The following ERG variants were observed in gnomAD, a reference collection of about 807,000 sequenced individuals.
ERG encodes the protein transcriptional regulator ERG.
Under a neutral mutation model 55.3 loss-of-function variants are expected in ERG, and 9 were observed. That is an observed-to-expected ratio of 0.16 (90% CI 0.10 to 0.28). The LOEUF (loss-of-function observed/expected upper bound fraction) is 0.28, where lower values mean the gene tolerates loss of function less well. Ranked by LOEUF, ERG falls within the 10% of genes least tolerant of loss-of-function variation. The pLI is 1.00. For missense variants in ERG, 434 were observed against 631.6 expected (o/e 0.69, Z 3.35); for synonymous variants, 223 against 237.3 (o/e 0.94, Z 0.55).
At chr21:38,562,940 A>T (rs1396560027) in intron 2 of ERG, among the ~76,000 whole-genome samples, 1 of 152,262 alleles carries the variant, frequency 6.6e-6, no homozygotes, top group East Asian at 1.9e-4. Flanking sequence ...TTTATGGTTT[A>T]AAAAGTTAAG....
At chr21:38,440,255 G>A (rs945292916) in intron 2 of ERG, among the ~76,000 whole-genome samples, 10 of 152,240 alleles carry the variant, frequency 6.6e-5, no homozygotes, top group South Asian at 2.1e-4. Context: ...TGGGGCTTCC[G>A]AGTCTGGAAG....
chr21:38,614,387 G>A (rs1168042827), intron 1 of ERG, among the ~76,000 whole-genome samples: 1 of 152,190 alleles, frequency 6.6e-6, no homozygotes, highest in South Asian at 2.1e-4. Context: ...GTGGCCATGA[G>A]AGGGAGTTGT....
intron 1 of ERG, among the ~76,000 whole-genome samples, chr21:38,589,927 T>C (rs1286812024): frequency 6.6e-6 from 1 of 152,210 alleles, no homozygotes; most frequent in Non-Finnish European, 1.5e-5. Context: ...TACACTCTAG[T>C]AGCCATGTTC....
intron 1 of ERG, among the ~76,000 whole-genome samples, chr21:38,618,240 GT>G (rs2060270173): frequency 6.6e-6 from 1 of 152,216 alleles, no homozygotes; most frequent in Non-Finnish European, 1.5e-5. Context: ...GCACTGAGTG[GT>G]GAAAACAGCC....
At chr21:38,486,999 G>A (rs1176356075) in intron 1 of ERG, among the ~76,000 whole-genome samples, 1 of 152,222 alleles carries the variant, frequency 6.6e-6, no homozygotes, top group Non-Finnish European at 1.5e-5. Flanking sequence ...GCACAGGGAA[G>A]TGAAAGGCGT....
chr21:38,456,632 G>A (rs1332667775), intron 1 of ERG, among the ~76,000 whole-genome samples: 3 of 152,070 alleles, frequency 2.0e-5, no homozygotes, highest in African/African-American at 7.2e-5. Flanking sequence ...ACTGTATAAC[G>A]CAGACATGAA....
chr21:38,384,260 G>A (rs1009873347), intron 9 of ERG, among the ~76,000 whole-genome samples: 1 of 152,240 alleles, frequency 6.6e-6, no homozygotes, highest in Non-Finnish European at 1.5e-5. Flanking sequence ...GCTCCCGTGG[G>A]ATTGGGCTGA....
rs543734358 is a variant in ERG, at chr21:38,446,599, C to T, written c.19-978G>A. ...ACAAAAAGAATTCCACATGAATGCT[C>T]ATTTTTATATTAGTCCTTTGGCATC... On this transcript the variant is annotated intron_variant, in intron 1 of 9. Transcript: ENST00000288319. Among the ~76,000 whole-genome samples the T allele has an allele frequency of 3.9e-5, 6 of 152,224 alleles. No homozygotes were observed. The South Asian group carries it at 1.2e-3, about 32-fold the overall frequency.
intron 1 of ERG, among the ~76,000 whole-genome samples, chr21:38,607,525 C>T (rs930018590): frequency 2.0e-5 from 3 of 151,854 alleles, no homozygotes; most frequent in Non-Finnish European, 2.9e-5. Flanking sequence ...CCAGCTACTC[C>T]TGAGAGGCTG....
rs1048354004 is a variant in ERG, at chr21:38,407,095, G to A, written c.389-3386C>T. On this transcript the variant is annotated intron_variant, in intron 3 of 9. Transcript: ENST00000288319. ...ATACAACACAACAATACAATCAAAC[G>A]TCTTTAAATATGTGCAGATTCCCTG... is the stretch of plus-strand genomic sequence containing the variant. 4.6e-5 allele frequency among the ~76,000 whole-genome samples: 7 copies of A among 152,206 alleles called. No homozygotes were observed. The East Asian group carries it at 9.6e-4, about 21-fold the overall frequency.
At chr21:38,492,980 T>G (rs1336871855) in intron 1 of ERG, among the ~76,000 whole-genome samples, 2 of 152,186 alleles carry the variant, frequency 1.3e-5, no homozygotes, top group Non-Finnish European at 2.9e-5. Context: ...AGTAAAATAT[T>G]CAGAGTTGTT....
intron 1 of ERG, chr21:38,584,797 G>T (rs577531933): frequency 6.6e-6 from 1 of 151,966 alleles, no homozygotes; most frequent in Non-Finnish European, 1.5e-5. Flanking sequence ...TTTTAAAAGG[G>T]GTCCTGACTA....
chr21:38,376,456 C>A (rs1342629902), downstream of ERG, among the ~76,000 whole-genome samples: 1 of 152,182 alleles, frequency 6.6e-6, no homozygotes, highest in Non-Finnish European at 1.5e-5. Flanking sequence ...CAATGGGAGT[C>A]GCTTCCTGTC....
rs544037525 is a variant in ERG at position 38,480,591 on chromosome 21, C to CTTTTTTTTTTTTT, written c.18+17759_18+17771dup. Among the ~76,000 whole-genome samples, 93 of 51,128 alleles carry CTTTTTTTTTTTTT rather than the reference C, an allele frequency of 1.8e-3. 14 individuals are homozygous for CTTTTTTTTTTTTT. The highest frequency in any genetic ancestry group is 2.4e-3 in the Admixed American group (8 of 3,316). 33.5% of individuals were successfully genotyped at this position (51,128 alleles called of 152,430 possible). On this transcript the variant is annotated intron_variant, in intron 1 of 9. Coordinates refer to ENST00000288319, the MANE Select transcript of ERG (RefSeq NM_182918.4). Reference sequence around the variant, plus strand: ...TTGCCACTTTAGGGCACTATATGGCCTTTTTTTTTTTTTTTTTTTTTTTGC... The same window carrying CTTTTTTTTTTTTT: ...TTGCCACTTTAGGGCACTATATGGCCTTTTTTTTTTTTTTTTTTTTTTTTTTTTTTTTTTTTGC...
chr21:38,582,686 T>A (rs1199202164), intron 1 of ERG, among the ~76,000 whole-genome samples: 2 of 152,166 alleles, frequency 1.3e-5, no homozygotes, highest in Admixed American at 6.5e-5. Context: ...CAAGTGGTAA[T>A]CATTATAATT....
chr21:38,633,098 C>A (rs2060366806), intron 1 of ERG, among the ~76,000 whole-genome samples: 1 of 151,904 alleles, frequency 6.6e-6, no homozygotes, highest in African/African-American at 2.4e-5. Flanking sequence ...ACCTTGAGGA[C>A]ATTAAGCTAA....
At chr21:38,438,652 C>T (rs191536855) in intron 2 of ERG, among the ~76,000 whole-genome samples, 1 of 152,340 alleles carries the variant, frequency 6.6e-6, no homozygotes. Flanking sequence ...GCTGCACAGG[C>T]CCAGCTGGGC....
intron 2 of ERG, among the ~76,000 whole-genome samples, chr21:38,541,580 CAAAT>C (rs1027005254): frequency 6.6e-6 from 1 of 152,112 alleles, no homozygotes; most frequent in Non-Finnish European, 1.5e-5. Context: ...TAAAGTCAAA[CAAAT>C]AGAATTTTAC....
chr21:38,636,036 T>C (rs1424437008), intron 1 of ERG, among the ~76,000 whole-genome samples: 1 of 147,070 alleles, frequency 6.8e-6, no homozygotes, highest in African/African-American at 2.5e-5. Flanking sequence ...GGCAGGTAAC[T>C]GAATCATGGG....
Sources: gnomAD v4.1 joint callset for allele counts (sites outside exome capture counted in the v4.1 genomes callset) on GRCh38, gnomAD v4.1.1 for gene constraint, MANE v1.5 for transcripts, NCBI Gene and HGNC (gene_info 2026-07-23, HGNC 2026-07-21) for gene names.